ADARB2: variants seen among roughly 807,000 people sequenced by gnomAD.
ADARB2 encodes the protein inactive double-stranded RNA-specific editase B2.
Under a neutral mutation model 62.2 loss-of-function variants are expected in ADARB2, and 25 were observed. The observed-to-expected ratio is 0.40, with a 90% CI of 0.29 to 0.56. The LOEUF (loss-of-function observed/expected upper bound fraction) is 0.56, where lower values mean the gene tolerates loss of function less well. Ranked by LOEUF, ADARB2 falls within the 20% of genes least tolerant of loss-of-function variation. The probability of loss-of-function intolerance (pLI) is 0.43; values close to 1 mark genes in which losing one functional copy is unlikely to be tolerated. For missense variants in ADARB2, 1,071 were observed against 1,077.4 expected (o/e 0.99, Z 0.08); for synonymous variants, 572 against 500.8 (o/e 1.14, Z -1.90).
chr10:1,470,054 G>A (rs553951101), intron 1 of ADARB2, among the ~76,000 whole-genome samples: 7 of 109,838 alleles, frequency 6.4e-5, no homozygotes, highest in East Asian at 3.3e-4. Flanking sequence ...GGAGACTCCC[G>A]GCCCTGGAGC....
At chr10:1,492,108 G>A (rs574485708) in intron 1 of ADARB2, among the ~76,000 whole-genome samples, 9 of 152,322 alleles carry the variant, frequency 5.9e-5, no homozygotes, top group African/African-American at 1.2e-4. Flanking sequence ...GCAAGACAGG[G>A]AAGCATATAG....
chr10:1,331,933 T>C (rs1831931634), intron 3 of ADARB2, among the ~76,000 whole-genome samples: 1 of 152,176 alleles, frequency 6.6e-6, no homozygotes, highest in Non-Finnish European at 1.5e-5. Flanking sequence ...TCCTTCCCCA[T>C]GGTATGGTGG....
intron 1 of ADARB2, among the ~76,000 whole-genome samples, chr10:1,627,053 C>T (rs1182138476): frequency 6.6e-6 from 1 of 152,072 alleles, no homozygotes; most frequent in Non-Finnish European, 1.5e-5. Flanking sequence ...TTTCTGCCCA[C>T]CCTGGCCTGG....
chr10:1,225,971 G>C (rs1275747063), intron 6 of ADARB2, among the ~76,000 whole-genome samples: 1 of 152,018 alleles, frequency 6.6e-6, no homozygotes, highest in Non-Finnish European at 1.5e-5. Context: ...TGCTAGATTG[G>C]GGAAGTTCTC....
chr10:1,506,927 A>G (rs1413054234), intron 1 of ADARB2, among the ~76,000 whole-genome samples: 1 of 152,226 alleles, frequency 6.6e-6, no homozygotes, highest in African/African-American at 2.4e-5. Flanking sequence ...CGCAGTGAGC[A>G]GGTGGCTGGC....
At chr10:1,512,313 C>G (rs1831947480) in intron 1 of ADARB2, among the ~76,000 whole-genome samples, 1 of 152,004 alleles carries the variant, frequency 6.6e-6, no homozygotes, top group African/African-American at 2.4e-5. Context: ...CACTGGATAC[C>G]AAGACATTGA....
chr10:1,497,246 C>G (rs1442974502), intron 1 of ADARB2, among the ~76,000 whole-genome samples: 4 of 152,204 alleles, frequency 2.6e-5, no homozygotes, highest in African/African-American at 9.7e-5. Flanking sequence ...GTAATGTATA[C>G]AAGGAAGCAC....
intron 3 of ADARB2, among the ~76,000 whole-genome samples, chr10:1,352,599 C>A (rs1437540930): frequency 6.6e-6 from 1 of 152,228 alleles, no homozygotes; most frequent in Non-Finnish European, 1.5e-5. Flanking sequence ...GCGGCTGCCA[C>A]TGCCTTAATA....
At chr10:1,290,229 C>G (rs1460215061) in intron 3 of ADARB2, 1 of 152,198 alleles carries the variant, frequency 6.6e-6, no homozygotes, top group Non-Finnish European at 1.5e-5. Flanking sequence ...GGATTCTGTC[C>G]TCTGCATGTT....
At position 1,398,088 on chromosome 10, in the gene ADARB2, T is replaced by C; in HGVS notation, c.101-18928A>G. Among the ~76,000 whole-genome samples the C allele has an allele frequency of 4.0e-5, 4 of 100,392 alleles. No individual in the cohort carries two copies. Among genetic ancestry groups the C allele is most frequent in the Admixed American group, 1.1e-4 (1 of 9,142 alleles). The allele number at this position is 100,392 out of a possible 152,430, so 65.9% of individuals were successfully genotyped here. A position where few individuals can be genotyped will look rare whatever the true frequency, so the allele number is the denominator to read the frequency against. On this transcript the variant is annotated intron_variant, in intron 1 of 9. Transcript: ENST00000381312. The surrounding 1 kb of genome is among the most constrained non-coding windows in gnomAD (Gnocchi z 4.1). Reference sequence around the variant, plus strand: ...GTGCAGGCTTCCTGGGTCACCGCCCTCCTCTCCCCTCCCGAGTGCAGGCTT... The same window carrying C: ...GTGCAGGCTTCCTGGGTCACCGCCCCCCTCTCCCCTCCCGAGTGCAGGCTT...
At chr10:1,658,293 T>C (rs1326364334) in intron 1 of ADARB2, among the ~76,000 whole-genome samples, 1 of 151,814 alleles carries the variant, frequency 6.6e-6, no homozygotes, top group Non-Finnish European at 1.5e-5. Context: ...TCTCTCTATG[T>C]AGCTCTTCTG....
chr10:1,563,502 A>G (rs1832815673), intron 1 of ADARB2, among the ~76,000 whole-genome samples: 1 of 152,142 alleles, frequency 6.6e-6, no homozygotes, highest in Non-Finnish European at 1.5e-5. Flanking sequence ...TTAAGAGGCC[A>G]CTGATGAAAT....
Position 1,215,078 on chromosome 10 carries a change from C to G in ADARB2, c.1682+1873G>C, listed in dbSNP as rs1031787474. ...GGGCCTGCAGGGGCGGGGGCAGGTG[C>G]GGCGGGGGTCTCCCGTTTTCTCCTG... On this transcript the variant is annotated intron_variant, in intron 7 of 9. Transcript: ENST00000381312. Among the ~76,000 whole-genome samples the G allele has an allele frequency of 3.3e-5, 5 of 152,046 alleles. No homozygotes were observed. The East Asian group carries it at 7.7e-4, about 23-fold the overall frequency.
chr10:1,604,682 C>T (rs1777726474), intron 1 of ADARB2, among the ~76,000 whole-genome samples: 1 of 152,222 alleles, frequency 6.6e-6, no homozygotes, highest in Non-Finnish European at 1.5e-5. Context: ...GAAAGAGCTG[C>T]TGTGAATCTA....
chr10:1,576,817 A>G (rs1223448326), intron 1 of ADARB2, among the ~76,000 whole-genome samples: 1 of 150,724 alleles, frequency 6.6e-6, no homozygotes, highest in Non-Finnish European at 1.5e-5. Flanking sequence ...GAGGATGAGG[A>G]GGGGCGTGTG....
At chr10:1,256,731 T>G (rs1831082643) in intron 4 of ADARB2, among the ~76,000 whole-genome samples, 1 of 152,212 alleles carries the variant, frequency 6.6e-6, no homozygotes, top group African/African-American at 2.4e-5. Context: ...TTTAATGCCC[T>G]GTTCCTACCC....
At chr10:1,593,787 T>G (rs761245558) in intron 1 of ADARB2, among the ~76,000 whole-genome samples, 8 of 152,238 alleles carry the variant, frequency 5.3e-5, no homozygotes, top group Non-Finnish European at 1.2e-4. Context: ...ACTTTTACCC[T>G]TCTCTCTCTT....
chr10:1,660,153 G>A (rs1035601377), intron 1 of ADARB2, among the ~76,000 whole-genome samples: 8 of 152,172 alleles, frequency 5.3e-5, no homozygotes, highest in East Asian at 3.9e-4. Flanking sequence ...CTCCTCCATC[G>A]CCCCCTTCCA....
Position 1,568,784 on chromosome 10 carries a change from A to G in ADARB2, c.100+168267T>C, listed in dbSNP as rs915585279. Among the ~76,000 whole-genome samples, 68 of 145,480 alleles carry G rather than the reference A, an allele frequency of 4.7e-4. 1 individual carries two copies. In the Admixed American group the frequency reaches 4.8e-3, roughly 10 times the overall value. ...TGAATCTAAACTTCTGTGTGCATAT[A>G]TCTATATGTCTCTATCTCTATCTAT... is the stretch of plus-strand genomic sequence containing the variant. On this transcript the variant is annotated intron_variant, in intron 1 of 9. Transcript: ENST00000381312.
Sources: allele counts gnomAD v4.1 joint callset (sites outside exome capture counted in the v4.1 genomes callset), GRCh38; gene constraint gnomAD v4.1.1; non-coding constraint Gnocchi (gnomAD v3.1); transcripts MANE v1.5; gene names NCBI Gene and HGNC (gene_info 2026-07-23, HGNC 2026-07-21).